Variants in CMTM8 observed in about 807,000 individuals in gnomAD.
The protein encoded by CMTM8 is CKLF-like MARVEL transmembrane domain-containing protein 8.
Under a neutral mutation model 18.6 loss-of-function variants are expected in CMTM8, and 12 were observed. The observed-to-expected ratio is 0.65, with a 90% CI of 0.41 to 1.05. The LOEUF (loss-of-function observed/expected upper bound fraction) is 1.05. Ranked by LOEUF, CMTM8 falls within the 50% of genes least tolerant of loss-of-function variation. CMTM8 has a pLI of 0.00. For synonymous variants in CMTM8, 87 were observed against 90.6 expected (o/e 0.96, Z 0.23); for missense variants, 217 against 227.2 (o/e 0.95, Z 0.29).
At chr3:32,251,917 C>T (rs953081474) in intron 1 of CMTM8, among the ~76,000 whole-genome samples, 2 of 151,696 alleles carry the variant, frequency 1.3e-5, no homozygotes, top group African/African-American at 2.4e-5. Flanking sequence ...TGATGAAACC[C>T]GGTCTCTACA....
At chr3:32,293,851 TAAAC>T (rs1477041710) in intron 1 of CMTM8, among the ~76,000 whole-genome samples, 9 of 152,270 alleles carry the variant, frequency 5.9e-5, no homozygotes, top group Non-Finnish European at 8.8e-5. Context: ...CCTCAATAAA[TAAAC>T]AAACTGTGCT....
In CMTM8 at chr3:32,358,295, C is replaced by T. The variant is rs1696855949; in HGVS notation, c.321+749C>T. Among the ~76,000 whole-genome samples the T allele has an allele frequency of 6.6e-6, 1 of 152,168 alleles. No individual in the cohort carries two copies. The highest frequency in any genetic ancestry group is 2.1e-4 in the South Asian group (1 of 4,828). The stretch of plus-strand genomic sequence containing the variant: ...CATCCTGGAGATCGAACACACACAT[C>T]CTAAGTGGATTCACAGAGATGGAAA... On this transcript the variant is annotated intron_variant, in intron 2 of 3. Transcript: ENST00000307526. The surrounding 1 kb of genome is among the most constrained non-coding windows in gnomAD (Gnocchi z 4.1).
rs561320323 is a variant in CMTM8, at chr3:32,276,913, G to A, written c.147+37794G>A. Among the ~76,000 whole-genome samples the A allele has an allele frequency of 5.9e-5, 9 of 151,670 alleles. No homozygotes were observed. In the East Asian group the frequency reaches 1.7e-3, roughly 29 times the overall value. Reference sequence around the variant, plus strand: ...GAGAAATTTTTTTTTTTTGAGATGGGGTCTCACTCTGTCACCCAGGCTAGA... The same window carrying A: ...GAGAAATTTTTTTTTTTTGAGATGGAGTCTCACTCTGTCACCCAGGCTAGA... On this transcript the variant is annotated intron_variant, in intron 1 of 3. Transcript: ENST00000307526.
At chr3:32,369,830 T>G in intron 3 of CMTM8, 54 bp from the exon 4 acceptor site, 1 of 1,167,246 alleles carries the variant, frequency 8.6e-7, no homozygotes, top group Non-Finnish European at 1.3e-6. Flanking sequence ...TGATAACTTT[T>G]GCTAATTAGG....
chr3:32,368,190 CTGCT>C (rs1697080824), intron 3 of CMTM8, among the ~76,000 whole-genome samples: 1 of 152,216 alleles, frequency 6.6e-6, no homozygotes, highest in Non-Finnish European at 1.5e-5. Context: ...GGCTGGGAGA[CTGCT>C]TGAGTGAATG....
intron 1 of CMTM8, among the ~76,000 whole-genome samples, chr3:32,314,793 CCTTT>C (rs771807989): frequency 7.2e-5 from 11 of 152,060 alleles, no homozygotes; most frequent in Non-Finnish European, 1.5e-4. Context: ...TGTTAATATG[CCTTT>C]CTTTCTTTCC....
At chr3:32,290,861 C>A (rs1158581652) in intron 1 of CMTM8, among the ~76,000 whole-genome samples, 2 of 152,196 alleles carry the variant, frequency 1.3e-5, no homozygotes, top group African/African-American at 4.8e-5. Flanking sequence ...CACAGCCCAG[C>A]AAAGGCTTGT....
At chr3:32,338,253 A>G (rs999207870) in intron 1 of CMTM8, among the ~76,000 whole-genome samples, 2 of 152,064 alleles carry the variant, frequency 1.3e-5, no homozygotes, top group Non-Finnish European at 2.9e-5. Context: ...AAGTGCTGGG[A>G]TTACAGGTGT....
chr3:32,258,142 G>A (rs1702201067), intron 1 of CMTM8, among the ~76,000 whole-genome samples: 1 of 152,132 alleles, frequency 6.6e-6, no homozygotes, highest in African/African-American at 2.4e-5. Context: ...GTTTATCTGG[G>A]GGTCTGTTTG....
At chr3:32,251,367 G>A (rs1702107885) in intron 1 of CMTM8, among the ~76,000 whole-genome samples, 1 of 152,032 alleles carries the variant, frequency 6.6e-6, no homozygotes, top group African/African-American at 2.4e-5. Context: ...AGGCTGGAGT[G>A]CAGTGGTGTG....
chr3:32,265,347 A>G (rs140292987), intron 1 of CMTM8, among the ~76,000 whole-genome samples: 9,741 of 152,266 alleles, frequency 0.064, 742 homozygotes, highest in East Asian at 0.43. Flanking sequence ...CTGCTCCTGA[A>G]TGACTACTGG....
intron 1 of CMTM8, among the ~76,000 whole-genome samples, chr3:32,260,989 A>G (rs965999268): frequency 1.3e-5 from 2 of 152,100 alleles, no homozygotes; most frequent in African/African-American, 4.8e-5. Flanking sequence ...TGGGAGGCCA[A>G]AGTCAGAGGA....
At chr3:32,242,013 G>A (rs1211151240) in intron 1 of CMTM8, among the ~76,000 whole-genome samples, 1 of 152,200 alleles carries the variant, frequency 6.6e-6, no homozygotes, top group Non-Finnish European at 1.5e-5. Flanking sequence ...TGGCCTGGTG[G>A]CCTGCACACA....
intron 1 of CMTM8, among the ~76,000 whole-genome samples, chr3:32,327,504 A>C (rs1217158320): frequency 6.6e-6 from 1 of 152,174 alleles, no homozygotes; most frequent in East Asian, 1.9e-4. Context: ...TGATTGCCTG[A>C]AGGTTTTGAT....
At chr3:32,293,069 A>G (rs1201776341) in intron 1 of CMTM8, among the ~76,000 whole-genome samples, 8 of 133,106 alleles carry the variant, frequency 6.0e-5, no homozygotes, top group African/African-American at 1.2e-4. Context: ...GTGTGTATAT[A>G]TGTGTGTGTA....
At chr3:32,275,939 A>G (rs1213395898) in intron 1 of CMTM8, among the ~76,000 whole-genome samples, 4 of 151,180 alleles carry the variant, frequency 2.6e-5, no homozygotes, top group Admixed American at 2.6e-4. Context: ...GTGAGTTACC[A>G]CTCGTATGTA....
intron 1 of CMTM8, among the ~76,000 whole-genome samples, chr3:32,269,719 CTTCT>C (rs1301578310): frequency 7.9e-5 from 12 of 152,164 alleles, no homozygotes; most frequent in African/African-American, 2.9e-4. Context: ...ACTAAGATTC[CTTCT>C]TTGTTTCACT....
chr3:32,318,205 T>C (rs540598125), intron 1 of CMTM8, among the ~76,000 whole-genome samples: 3 of 152,234 alleles, frequency 2.0e-5, no homozygotes, highest in East Asian at 3.9e-4. Context: ...CTAAGAACAT[T>C]GTCCACCTCT....
chr3:32,330,636 A>G (rs991831298), intron 1 of CMTM8, among the ~76,000 whole-genome samples: 1 of 152,168 alleles, frequency 6.6e-6, no homozygotes, highest in African/African-American at 2.4e-5. Flanking sequence ...AGATCTATGG[A>G]CTTTCCTAAT....
Sources: gnomAD v4.1 joint callset for allele counts (sites outside exome capture counted in the v4.1 genomes callset) on GRCh38, gnomAD v4.1.1 for gene constraint, Gnocchi (gnomAD v3.1) non-coding constraint, MANE v1.5 for transcripts, NCBI Gene and HGNC (gene_info 2026-07-23, HGNC 2026-07-21) for gene names.